The following PPP4R3B variants were observed in gnomAD, a reference collection of about 807,000 sequenced individuals.
PPP4R3B encodes serine/threonine-protein phosphatase 4 regulatory subunit 3B.
Under a neutral mutation model 95.4 loss-of-function variants are expected in PPP4R3B, and 52 were observed. The observed-to-expected ratio is 0.54, with a 90% CI of 0.44 to 0.69. The LOEUF (loss-of-function observed/expected upper bound fraction) is 0.69. Among genes scored for constraint, PPP4R3B ranks in the 30% least tolerant of loss-of-function variants. The pLI is 0.00. For synonymous variants in PPP4R3B, 407 were observed against 343.9 expected, an observed-to-expected ratio of 1.18 and a Z score of -2.03; for missense variants, 1,003 against 1,005.9, an observed-to-expected ratio of 1.00 and a Z score of 0.04.
intron 13 of PPP4R3B, among the ~76,000 whole-genome samples, chr2:55,567,156 A>G (rs1034770394): frequency 3.3e-5 from 5 of 152,212 alleles, no homozygotes; most frequent in Admixed American, 2.0e-4. Context: ...TTATTCACAT[A>G]GACTGCCCTC....
In PPP4R3B at chr2:55,604,092, T is replaced by C. The variant is rs1189162812; in HGVS notation, c.199-16A>G. On this transcript the variant is annotated splice_polypyrimidine_tract_variant and intron_variant, in intron 2 of 16. Coordinates refer to ENST00000616407, the MANE Select transcript of PPP4R3B (RefSeq NM_001122964.3). Reference sequence around the variant, plus strand: ...TTAATGTATCCTGTTTAAAAATAAATATTTCCATATCATCACACTAGAAAA... The same window carrying C: ...TTAATGTATCCTGTTTAAAAATAAACATTTCCATATCATCACACTAGAAAA... 1.9e-6 allele frequency: 3 copies of C among 1,568,466 alleles called. No homozygotes were observed. The highest frequency in any genetic ancestry group is 3.4e-4 in the Middle Eastern group (2 of 5,912).
At position 55,615,857 on chromosome 2, in the gene PPP4R3B, C is replaced by CAAAAAAAAAAAAAAAAAAAAAAAAA. The variant is rs58981030; in HGVS notation, c.143-376_143-352dup. On this transcript the variant is annotated intron_variant, in intron 1 of 16. Coordinates refer to ENST00000616407, the MANE Select transcript of PPP4R3B (RefSeq NM_001122964.3). ...TGGCAACAGAGCAAGACTCTGTCTC[C>CAAAAAAAAAAAAAAAAAAAAAAAAA]AAAAAAAAAAAAAAAAAAAAAAAAA... Among the ~76,000 whole-genome samples, 6 of 39,066 alleles carry CAAAAAAAAAAAAAAAAAAAAAAAAA rather than the reference C, an allele frequency of 1.5e-4. 1 individual carries two copies. Among genetic ancestry groups the CAAAAAAAAAAAAAAAAAAAAAAAAA allele is most frequent in the African/African-American group, 1.1e-3 (6 of 5,532 alleles). The allele number at this position is 39,066 out of a possible 152,430, so 25.6% of individuals were successfully genotyped here.
rs191441715 is a variant in PPP4R3B at position 55,591,122 on chromosome 2, T to C, written c.922-2166A>G. On this transcript the variant is annotated intron_variant, in intron 4 of 16. Transcript: ENST00000616407. ...TTTATATGCATATGTAATCTTTTAT[T>C]TAGCCCTCAAGTTAGTTTTTCCTTT... 2.0e-5 allele frequency among the ~76,000 whole-genome samples: 3 copies of C among 152,166 alleles called. No homozygotes were observed. The East Asian group carries it at 5.8e-4, about 29-fold the overall frequency.
chr2:55,559,044 A>T, intron 15 of PPP4R3B, 76 bp from the exon 16 acceptor site: 1 of 1,230,618 alleles, frequency 8.1e-7, no homozygotes, highest in South Asian at 1.5e-5. Context: ...AGCAGTAATT[A>T]AAAAACTTAT....
Position 55,549,852 on chromosome 2 carries a change from G to A in PPP4R3B, c.*59C>T. The A allele has an allele frequency of 8.0e-7, 1 of 1,255,786 alleles. No homozygotes were observed. Among genetic ancestry groups the A allele is most frequent in the Non-Finnish European group, 1.2e-6 (1 of 856,348 alleles). The allele number at this position is 1,255,786 out of a possible 1,614,324, so 77.8% of individuals were successfully genotyped here. A position where few individuals can be genotyped will look rare whatever the true frequency, so the allele number is the denominator to read the frequency against. ...GAAAGCTTTCTGATTCAGATTTTCA[G>A]CTCACTGAACAGTTGCAGCATTGTA... is the stretch of plus-strand genomic sequence containing the variant. On this transcript the variant is annotated 3_prime_UTR_variant, in exon 17 of 17. Coordinates refer to ENST00000616407, the MANE Select transcript of PPP4R3B (RefSeq NM_001122964.3).
At chr2:55,559,035 G>A in intron 15 of PPP4R3B, 67 bp from the exon 16 acceptor site, 1 of 1,291,480 alleles carries the variant, frequency 7.7e-7, no homozygotes, top group Admixed American at 2.2e-5. Context: ...TCTAAAAACA[G>A]CAGTAATTAA....
Position 55,564,985 on chromosome 2 carries a change from T to C in PPP4R3B, c.1992A>G (p.Glu664=), listed in dbSNP as rs1230469612. ...HIVENFYKAL[E]SIEYVQTFKG... is the part of the protein sequence containing the mutation. ...TGAATGTCTGAACATATTCAATCGA[T>C]TCAAGTGCTTTATAAAAGTTTTCAA... is the stretch of plus-strand genomic sequence containing the variant. Residue 664 remains glutamate, a synonymous_variant, in exon 14 of 17, where the codon GAA becomes GAG. Coordinates refer to ENST00000616407, the MANE Select transcript of PPP4R3B (RefSeq NM_001122964.3). 6.2e-7 allele frequency: 1 copy of C among 1,610,638 alleles called. No homozygotes were observed. Among genetic ancestry groups the C allele is most frequent in the South Asian group, 1.1e-5 (1 of 90,324 alleles).
intron 2 of PPP4R3B, among the ~76,000 whole-genome samples, chr2:55,612,545 G>A (rs1387409508): frequency 6.6e-6 from 1 of 152,076 alleles, no homozygotes; most frequent in South Asian, 2.1e-4. Context: ...CAGTGAGACC[G>A]TCTCTACAAA....
intron 2 of PPP4R3B, among the ~76,000 whole-genome samples, chr2:55,609,914 G>T (rs1014137993): frequency 2.0e-5 from 3 of 152,098 alleles, no homozygotes; most frequent in Non-Finnish European, 2.9e-5. Context: ...GAAACTGTAC[G>T]GACAGAATCT....
At chr2:55,566,508 G>C (rs1687313393) in intron 13 of PPP4R3B, among the ~76,000 whole-genome samples, 1 of 152,158 alleles carries the variant, frequency 6.6e-6, no homozygotes, top group South Asian at 2.1e-4. Flanking sequence ...TAGTGAGCTA[G>C]TTAACCATGT....
intron 15 of PPP4R3B, among the ~76,000 whole-genome samples, chr2:55,559,321 G>A (rs1024251887): frequency 1.3e-5 from 2 of 151,982 alleles, no homozygotes; most frequent in African/African-American, 4.8e-5. Flanking sequence ...ACTCCAGCCT[G>A]GGCAACAAGA....
In PPP4R3B at chr2:55,549,417, C is replaced by T. The variant is rs1685003140; in HGVS notation, c.*494G>A. 6.5e-6 allele frequency: 1 copy of T among 153,384 alleles called. No individual in the cohort carries two copies. The highest frequency in any genetic ancestry group is 1.5e-5 in the Non-Finnish European group (1 of 68,634). The allele number at this position is 153,384 out of a possible 1,614,324, so 9.5% of individuals were successfully genotyped here. On this transcript the variant is annotated 3_prime_UTR_variant, in exon 17 of 17. Transcript: ENST00000616407. ...AGAAATGGTCCCAACAGCTTAACTT[C>T]ATTTTTTTAATGATAGTTGAATGTG... is the stretch of plus-strand genomic sequence containing the variant.
chr2:55,574,072 T>G (rs1047722041), intron 11 of PPP4R3B, among the ~76,000 whole-genome samples: 4 of 151,464 alleles, frequency 2.6e-5, no homozygotes, highest in African/African-American at 9.7e-5. Flanking sequence ...TTTCAAGTTT[T>G]TGTAGAGATG....
intron 9 of PPP4R3B, 97 bp from the exon 10 acceptor site, chr2:55,578,439 T>A (rs1186258948): frequency 8.9e-7 from 1 of 1,128,088 alleles, no homozygotes. Flanking sequence ...AAGCTGGAAG[T>A]GTTTTATTAA....
chr2:55,566,132 A>G (rs1266410770), intron 13 of PPP4R3B, among the ~76,000 whole-genome samples: 1 of 152,226 alleles, frequency 6.6e-6, no homozygotes, highest in African/African-American at 2.4e-5. Flanking sequence ...ACTACATAGT[A>G]AGAAACACAC....
chr2:55,579,802 A>C, intron 8 of PPP4R3B, 21 bp from the exon 9 acceptor site: 1 of 1,457,636 alleles, frequency 6.9e-7, no homozygotes, highest in Non-Finnish European at 9.5e-7. Flanking sequence ...GAATTTTTTA[A>C]ACAATACTGT....
rs146217085 is a variant in PPP4R3B at position 55,559,782 on chromosome 2, G to A, written c.2261-814C>T. 8.5e-5 allele frequency among the ~76,000 whole-genome samples: 13 copies of A among 152,218 alleles called. No homozygotes were observed. The East Asian group carries it at 1.5e-3, about 18-fold the overall frequency. On this transcript the variant is annotated intron_variant, in intron 15 of 16. Coordinates refer to ENST00000616407, the MANE Select transcript of PPP4R3B (RefSeq NM_001122964.3). ...TAGTTCTTTAGAGCAGTGTGAAAAC[G>A]AACTATACAGAAAATTGGTAACAGG...
At chr2:55,603,172 C>T (rs1221032316) in intron 3 of PPP4R3B, among the ~76,000 whole-genome samples, 1 of 152,078 alleles carries the variant, frequency 6.6e-6, no homozygotes, top group South Asian at 2.1e-4. Flanking sequence ...AGGGTGGTCT[C>T]GAACTCCTGA....
At chr2:55,609,584 C>G (rs1011063004) in intron 2 of PPP4R3B, among the ~76,000 whole-genome samples, 1 of 151,382 alleles carries the variant, frequency 6.6e-6, no homozygotes, top group Non-Finnish European at 1.5e-5. Context: ...GAGGTGGGAG[C>G]CTGAGCGCAG....
Sources: gnomAD v4.1 joint callset for allele counts (sites outside exome capture counted in the v4.1 genomes callset) on GRCh38, gnomAD v4.1.1 for gene constraint, MANE v1.5 for transcripts, NCBI Gene and HGNC (gene_info 2026-07-23, HGNC 2026-07-21) for gene names.